KCNJ3: variants seen among roughly 807,000 people sequenced by gnomAD.
KCNJ3 encodes the protein potassium inwardly rectifying channel subfamily J member 3.
In KCNJ3, 4 loss-of-function variants were observed where a neutral mutation model predicts 39.2. The ratio of observed to expected loss-of-function variants is 0.10; its 90% CI spans 0.05 to 0.23. The LOEUF (loss-of-function observed/expected upper bound fraction) is 0.23, where lower values mean the gene tolerates loss of function less well. Ranked by LOEUF, KCNJ3 falls within the 10% of genes least tolerant of loss-of-function variation. KCNJ3 has a pLI of 1.00. For missense variants in KCNJ3, 276 were observed against 634.9 expected (o/e 0.43, Z 6.08); for synonymous variants, 230 against 237.4 (o/e 0.97, Z 0.29).
chr2:154,756,709 A>G (rs2105185608), intron 2 of KCNJ3, among the ~76,000 whole-genome samples: 1 of 152,270 alleles, frequency 6.6e-6, no homozygotes, highest in African/African-American at 2.4e-5. Context: ...GTGTATACCT[A>G]TGTAACAGAC....
rs112294057 is a variant in KCNJ3, at chr2:154,797,680, G to A, written c.920-57047G>A. On this transcript the variant is annotated intron_variant, in intron 2 of 2. Transcript: ENST00000295101. ...CATATAAAATCACATATGTACATAT[G>A]TCCTACTGTAACTTGCCTTCTCCTT... is the stretch of plus-strand genomic sequence containing the variant. Among the ~76,000 whole-genome samples the A allele has an allele frequency of 2.7e-3, 405 of 152,012 alleles. 13 individuals are homozygous for A. In the South Asian group the frequency reaches 0.051, roughly 19 times the overall value.
chr2:154,749,803 A>T (rs1433368003), intron 2 of KCNJ3, among the ~76,000 whole-genome samples: 2 of 151,642 alleles, frequency 1.3e-5, no homozygotes, highest in African/African-American at 4.8e-5. Context: ...GAAGACAGCC[A>T]TGGAAGTCAA....
At chr2:154,708,409 G>A (rs1017548048) in intron 1 of KCNJ3, among the ~76,000 whole-genome samples, 2 of 152,066 alleles carry the variant, frequency 1.3e-5, no homozygotes, top group Non-Finnish European at 2.9e-5. Context: ...TTGGAACTCT[G>A]AGAGTAAGAA....
chr2:154,822,060 C>T (rs548420311), intron 2 of KCNJ3, among the ~76,000 whole-genome samples: 1 of 152,120 alleles, frequency 6.6e-6, no homozygotes, highest in East Asian at 1.9e-4. Context: ...CTGTTCACTA[C>T]CTATACAGTA....
chr2:154,787,667 G>A (rs1418369322), intron 2 of KCNJ3, among the ~76,000 whole-genome samples: 1 of 150,660 alleles, frequency 6.6e-6, no homozygotes, highest in African/African-American at 2.4e-5. Context: ...GTTAGATGTA[G>A]ATAATTTGGC....
rs1687866864 is a variant in KCNJ3 at position 154,857,886 on chromosome 2, C to A, written c.*2573C>A. The A allele has an allele frequency of 4.8e-5, 2 of 41,966 alleles. No individual in the cohort carries two copies. Among genetic ancestry groups the A allele is most frequent in the Admixed American group, 2.4e-4 (1 of 4,130 alleles). The allele number at this position is 41,966 out of a possible 1,614,324, so 2.6% of individuals were successfully genotyped here. ...ACAGTGCGAGACTCCATCTCAACAT[C>A]AAAAAAAAAAAAAAAAAAAAAAAAA... is the stretch of plus-strand genomic sequence containing the variant. On this transcript the variant is annotated 3_prime_UTR_variant, in exon 3 of 3. Coordinates refer to ENST00000295101, the MANE Select transcript of KCNJ3 (RefSeq NM_002239.4).
chr2:154,788,783 T>A (rs55844169), intron 2 of KCNJ3, among the ~76,000 whole-genome samples: 37,631 of 151,356 alleles, frequency 0.25, 5,314 homozygotes, highest in African/African-American at 0.39. Flanking sequence ...TTTTTTTTTT[T>A]AAAAAGAAAC....
intron 2 of KCNJ3, among the ~76,000 whole-genome samples, chr2:154,755,524 T>G (rs1323287393): frequency 6.6e-6 from 1 of 150,796 alleles, no homozygotes; most frequent in Non-Finnish European, 1.5e-5. Context: ...TGTAAATAAA[T>G]GTAGCCATAG....
At chr2:154,754,633 T>C (rs1685907094) in intron 2 of KCNJ3, among the ~76,000 whole-genome samples, 1 of 152,210 alleles carries the variant, frequency 6.6e-6, no homozygotes, top group Non-Finnish European at 1.5e-5. Flanking sequence ...TATATCTTGG[T>C]GAATTTGAGT....
At chr2:154,825,831 G>A (rs1385138261) in intron 2 of KCNJ3, among the ~76,000 whole-genome samples, 2 of 149,830 alleles carry the variant, frequency 1.3e-5, no homozygotes, top group Middle Eastern at 3.2e-3. Context: ...CTCCCACCTC[G>A]GCTTCCCAAA....
intron 2 of KCNJ3, among the ~76,000 whole-genome samples, chr2:154,767,438 T>C (rs896998649): frequency 2.0e-5 from 3 of 152,176 alleles, no homozygotes; most frequent in African/African-American, 7.2e-5. Flanking sequence ...ATGCAGTGTT[T>C]GGTTTTCTGT....
Position 154,732,052 on chromosome 2 carries a change from G to A in KCNJ3, c.919+22233G>A, listed in dbSNP as rs142198307. On this transcript the variant is annotated intron_variant, in intron 2 of 2. Transcript: ENST00000295101. ...CATATTTGTAAATGAGGAAATGTCA[G>A]AATAACTTGCCTCTTATAAGTCGAA... is the stretch of plus-strand genomic sequence containing the variant. Among the ~76,000 whole-genome samples, 77 of 152,156 alleles carry A rather than the reference G, an allele frequency of 5.1e-4. 1 individual carries two copies. Among genetic ancestry groups the A allele is most frequent in the Non-Finnish European group, 9.6e-4 (65 of 67,908 alleles).
intron 2 of KCNJ3, among the ~76,000 whole-genome samples, chr2:154,768,178 C>T (rs1686169274): frequency 1.3e-5 from 2 of 152,158 alleles, no homozygotes; most frequent in Non-Finnish European, 2.9e-5. Context: ...TGTGCAGAAG[C>T]TCTTTAGTTT....
At chr2:154,765,964 G>A (rs901971407) in intron 2 of KCNJ3, among the ~76,000 whole-genome samples, 13 of 152,074 alleles carry the variant, frequency 8.5e-5, no homozygotes, top group African/African-American at 3.1e-4. Context: ...TTCCAGAAAC[G>A]GTGTGGCGCC....
intron 2 of KCNJ3, among the ~76,000 whole-genome samples, chr2:154,777,445 A>G (rs935477893): frequency 6.6e-6 from 1 of 152,236 alleles, no homozygotes; most frequent in Admixed American, 6.5e-5. Context: ...CAAACCAAAA[A>G]CAAACAGTCC....
rs148214582 is a variant in KCNJ3, at chr2:154,717,593, G to A, written c.919+7774G>A. ...AAAATGGCCCAGGATTCTTCCTCCCGAAGTTCTGTAGGCTACTTAAAAATC... is the reference window on the plus strand; with the variant it reads ...AAAATGGCCCAGGATTCTTCCTCCCAAAGTTCTGTAGGCTACTTAAAAATC... On this transcript the variant is annotated intron_variant, in intron 2 of 2. Coordinates refer to ENST00000295101, the MANE Select transcript of KCNJ3 (RefSeq NM_002239.4). Among the ~76,000 whole-genome samples, 23 of 152,198 alleles carry A rather than the reference G, an allele frequency of 1.5e-4. No individual in the cohort carries two copies. In the East Asian group the frequency reaches 3.1e-3, roughly 20 times the overall value.
intron 2 of KCNJ3, among the ~76,000 whole-genome samples, chr2:154,807,960 T>TC (rs1686941681): frequency 6.6e-6 from 1 of 151,908 alleles, no homozygotes; most frequent in African/African-American, 2.4e-5. Flanking sequence ...CTCTCTGTAC[T>TC]CCCCCAGCAT....
At chr2:154,781,986 T>A (rs185737559) in intron 2 of KCNJ3, among the ~76,000 whole-genome samples, 30 of 152,330 alleles carry the variant, frequency 2.0e-4, no homozygotes, top group Admixed American at 1.0e-3. Context: ...TTTAAATGGA[T>A]AAATAATTCT....
chr2:154,728,954 G>T (rs772703048), intron 2 of KCNJ3, among the ~76,000 whole-genome samples: 1 of 151,812 alleles, frequency 6.6e-6, no homozygotes, highest in Non-Finnish European at 1.5e-5. Context: ...TAGTACTCTG[G>T]GACATCCAGT....
Sources: gnomAD v4.1 joint callset for allele counts (sites outside exome capture counted in the v4.1 genomes callset) on GRCh38, gnomAD v4.1.1 for gene constraint, MANE v1.5 for transcripts, NCBI Gene and HGNC (gene_info 2026-07-23, HGNC 2026-07-21) for gene names.